ACVR2A: variants seen among roughly 807,000 people sequenced by gnomAD.
ACVR2A encodes the protein activin receptor type-2A.
In ACVR2A, 7 loss-of-function variants were observed where a neutral mutation model predicts 61.4. That is an observed-to-expected ratio of 0.11 (90% CI 0.06 to 0.21). The LOEUF (loss-of-function observed/expected upper bound fraction) is 0.21, where lower values mean the gene tolerates loss of function less well. ACVR2A is among the 10% of genes least tolerant of loss of function. ACVR2A has a pLI of 1.00. For synonymous variants in ACVR2A, 193 were observed against 208.3 expected, an observed-to-expected ratio of 0.93 and a Z score of 0.63; for missense variants, 322 against 621.7, an observed-to-expected ratio of 0.52 and a Z score of 5.13.
At chr2:147,877,226 G>A (rs905805653) in intron 1 of ACVR2A, among the ~76,000 whole-genome samples, 12 of 152,120 alleles carry the variant, frequency 7.9e-5, no homozygotes, top group Admixed American at 2.6e-4. Flanking sequence ...TTTGTCTTAT[G>A]TTTAAATGTT....
At chr2:147,849,748 A>G (rs1685402114) in intron 1 of ACVR2A, among the ~76,000 whole-genome samples, 1 of 152,200 alleles carries the variant, frequency 6.6e-6, no homozygotes, top group Non-Finnish European at 1.5e-5. Flanking sequence ...AATGGTGTCC[A>G]AATGAGCCTC....
intron 1 of ACVR2A, among the ~76,000 whole-genome samples, chr2:147,892,254 G>A (rs999962297): frequency 1.3e-5 from 2 of 151,814 alleles, no homozygotes; most frequent in African/African-American, 2.4e-5. Flanking sequence ...ACAGATGTGA[G>A]CCACCGTGCT....
At chr2:147,888,085 A>G (rs1414359955) in intron 1 of ACVR2A, among the ~76,000 whole-genome samples, 1 of 152,154 alleles carries the variant, frequency 6.6e-6, no homozygotes, top group Non-Finnish European at 1.5e-5. Flanking sequence ...TTCCTTTTCC[A>G]TTGAATTGCC....
intron 1 of ACVR2A, among the ~76,000 whole-genome samples, chr2:147,854,044 A>G (rs1476227563): frequency 2.0e-5 from 3 of 152,164 alleles, no homozygotes; most frequent in Non-Finnish European, 4.4e-5. Context: ...TTTAAGTCCC[A>G]TTTAAAAGGA....
chr2:147,888,038 TGTC>T (rs1474283395), intron 1 of ACVR2A, among the ~76,000 whole-genome samples: 5 of 152,230 alleles, frequency 3.3e-5, no homozygotes, highest in Admixed American at 3.3e-4. Context: ...GCCTGAACCA[TGTC>T]TGATTGCTCC....
intron 1 of ACVR2A, among the ~76,000 whole-genome samples, chr2:147,862,734 A>C (rs1169008525): frequency 1.4e-5 from 2 of 146,282 alleles, no homozygotes; most frequent in African/African-American, 2.5e-5. Flanking sequence ...ACAGAGCGAG[A>C]CTCTGTCTCA....
At chr2:147,862,514 C>T (rs1281678395) in intron 1 of ACVR2A, among the ~76,000 whole-genome samples, 1 of 152,066 alleles carries the variant, frequency 6.6e-6, no homozygotes, top group African/African-American at 2.4e-5. Context: ...GAGGCAGAGG[C>T]GGGCAGATCA....
intron 1 of ACVR2A, among the ~76,000 whole-genome samples, chr2:147,854,431 G>T: frequency 6.6e-6 from 1 of 151,982 alleles, no homozygotes; most frequent in Admixed American, 6.6e-5. Context: ...CTGTTTTTTA[G>T]GTACCAGCTA....
In ACVR2A at chr2:147,922,844, T is replaced by G. The variant is rs893224037; in HGVS notation, c.1078-129T>G. ...GTATACGCAGAAAGGATCTTTCTAT[T>G]TATACGCTATAGTGTGTATACCTTA... is the stretch of plus-strand genomic sequence containing the variant. On this transcript the variant is annotated intron_variant, in intron 8 of 10. Transcript: ENST00000241416. 41 of 824,818 alleles carry G rather than the reference T, an allele frequency of 5.0e-5. No homozygotes were observed. In the Admixed American group the frequency reaches 1.1e-3, roughly 23 times the overall value. 51.1% of individuals were successfully genotyped at this position (824,818 alleles called of 1,614,324 possible). A position where few individuals can be genotyped will look rare whatever the true frequency, so the allele number is the denominator to read the frequency against.
chr2:147,908,989 G>C (rs890967593), intron 4 of ACVR2A, among the ~76,000 whole-genome samples: 1 of 152,134 alleles, frequency 6.6e-6, no homozygotes, highest in African/African-American at 2.4e-5. Flanking sequence ...ATCTGTGTAT[G>C]TGTTTACTAA....
At position 147,911,992 on chromosome 2, in the gene ACVR2A, A is replaced by G. The variant is rs568199235; in HGVS notation, c.529-3199A>G. 3.3e-5 allele frequency among the ~76,000 whole-genome samples: 5 copies of G among 152,178 alleles called. No homozygotes were observed. In the South Asian group the frequency reaches 1.0e-3, roughly 31 times the overall value. On this transcript the variant is annotated intron_variant, in intron 4 of 10. Transcript: ENST00000241416. Reference sequence around the variant, plus strand: ...GAAATAGATATTTTTAGATAGCTTCATCTTTGGCATCTTTAGCAAATGAAC... The same window carrying G: ...GAAATAGATATTTTTAGATAGCTTCGTCTTTGGCATCTTTAGCAAATGAAC...
Position 147,917,263 on chromosome 2 carries a change from T to C in ACVR2A, c.673-20T>C. On this transcript the variant is annotated intron_variant, in intron 5 of 10. Transcript: ENST00000241416. The stretch of plus-strand genomic sequence containing the variant: ...ACCTGTATTCCTTGTGTTCTTACTA[T>C]TCTTTCTTTTTGACTCTAGGACAAA... 1 of 1,608,998 alleles carries C rather than the reference T, an allele frequency of 6.2e-7. No individual in the cohort carries two copies. The highest frequency in any genetic ancestry group is 8.5e-7 in the Non-Finnish European group (1 of 1,176,948).
At chr2:147,850,313 G>A (rs1685412823) in intron 1 of ACVR2A, among the ~76,000 whole-genome samples, 1 of 152,058 alleles carries the variant, frequency 6.6e-6, no homozygotes, top group Non-Finnish European at 1.5e-5. Flanking sequence ...AATTTAGAAT[G>A]CTTGAGAATT....
chr2:147,862,759 G>T (rs931351943), intron 1 of ACVR2A, among the ~76,000 whole-genome samples: 1 of 149,972 alleles, frequency 6.7e-6, no homozygotes, highest in South Asian at 2.1e-4. Flanking sequence ...AAAAAAAATT[G>T]TTTTTCTAAC....
intron 1 of ACVR2A, among the ~76,000 whole-genome samples, chr2:147,861,245 T>C (rs142911662): frequency 1.6e-3 from 249 of 152,324 alleles, no homozygotes; most frequent in African/African-American, 5.6e-3. Context: ...TTCACAATAT[T>C]GAGGACATTC....
At chr2:147,878,893 A>G (rs1407114698) in intron 1 of ACVR2A, among the ~76,000 whole-genome samples, 2 of 150,082 alleles carry the variant, frequency 1.3e-5, no homozygotes, top group African/African-American at 4.9e-5. Context: ...TGGGTGACAG[A>G]AAGAGACCTG....
Position 147,924,500 on chromosome 2 carries a change from T to G in ACVR2A, c.1216+1389T>G, listed in dbSNP as rs374353721. ...TTAGGAGTTTAGGGGAGAAATTGCT[T>G]TGTTTATGGGGAAGAGAGGTTTCAG... On this transcript the variant is annotated intron_variant, in intron 9 of 10. Coordinates refer to ENST00000241416, the MANE Select transcript of ACVR2A (RefSeq NM_001616.5). Among the ~76,000 whole-genome samples the G allele has an allele frequency of 2.8e-3, 420 of 151,900 alleles. 4 individuals are homozygous for G. Among genetic ancestry groups the G allele is most frequent in the Non-Finnish European group, 3.2e-3 (220 of 67,900 alleles).
At chr2:147,878,319 A>G (rs148056749) in intron 1 of ACVR2A, among the ~76,000 whole-genome samples, 57 of 152,178 alleles carry the variant, frequency 3.7e-4, no homozygotes, top group African/African-American at 1.3e-3. Flanking sequence ...TATTCCTGCT[A>G]CTCTTCTTTT....
At chr2:147,893,955 G>A (rs1016637017) in intron 1 of ACVR2A, among the ~76,000 whole-genome samples, 9 of 152,050 alleles carry the variant, frequency 5.9e-5, no homozygotes, top group South Asian at 4.1e-4. Context: ...GGGTCACAAA[G>A]ATTTTTCATG....
Sources: allele counts gnomAD v4.1 joint callset (sites outside exome capture counted in the v4.1 genomes callset), GRCh38; gene constraint gnomAD v4.1.1; transcripts MANE v1.5; gene names NCBI Gene and HGNC (gene_info 2026-07-23, HGNC 2026-07-21).